RGS6: variants seen among roughly 807,000 people sequenced by gnomAD.
The protein encoded by RGS6 is regulator of G protein signaling 6.
RGS6 carries 30 observed loss-of-function variants against 78.5 expected under a neutral mutation model. The ratio of observed to expected loss-of-function variants is 0.38; its 90% CI spans 0.29 to 0.52. The LOEUF (loss-of-function observed/expected upper bound fraction) is 0.52. RGS6 is among the 20% of genes least tolerant of loss of function. The probability of loss-of-function intolerance (pLI) is 0.85; values close to 1 mark genes in which losing one functional copy is unlikely to be tolerated. For synonymous variants in RGS6, 206 were observed against 206.0 expected (o/e 1.00, Z 0.00); for missense variants, 495 against 609.7 (o/e 0.81, Z 1.98).
At chr14:72,219,472 A>G (rs1567502771) in intron 2 of RGS6, among the ~76,000 whole-genome samples, 1 of 152,186 alleles carries the variant, frequency 6.6e-6, no homozygotes, top group Non-Finnish European at 1.5e-5. Context: ...CCAACTAACT[A>G]GTGAAGTTCA....
At chr14:72,097,460 G>T (rs939298192) in intron 2 of RGS6, among the ~76,000 whole-genome samples, 1 of 152,166 alleles carries the variant, frequency 6.6e-6, no homozygotes, top group African/African-American at 2.4e-5. Context: ...TATGTTTGTT[G>T]CTTTTCATCT....
chr14:72,613,783 C>T, the RGS6 span, among the ~76,000 whole-genome samples: 1 of 152,212 alleles, frequency 6.6e-6, no homozygotes. Flanking sequence ...GACAGCTCTT[C>T]CTTTGGGCCT....
chr14:72,536,344 A>G, intron 16 of RGS6, 69 bp downstream of exon 16: 1 of 1,084,416 alleles, frequency 9.2e-7, no homozygotes, highest in Non-Finnish European at 1.4e-6. Context: ...TGCTGGTTTG[A>G]AATGAGAATA....
the RGS6 span, among the ~76,000 whole-genome samples, chr14:71,922,386 C>T: frequency 8.5e-5 from 13 of 152,188 alleles, no homozygotes; most frequent in Non-Finnish European, 1.5e-4. Context: ...TCCTTACTGT[C>T]TCTCCCCTGT....
chr14:72,535,184 G>C (rs1357079638), intron 15 of RGS6, among the ~76,000 whole-genome samples: 2 of 152,188 alleles, frequency 1.3e-5, no homozygotes, highest in African/African-American at 4.8e-5. Context: ...CTGGAAATCA[G>C]GGGTGAAATT....
intron 3 of RGS6, among the ~76,000 whole-genome samples, chr14:72,411,116 G>C (rs2093377760): frequency 6.6e-6 from 1 of 152,144 alleles, no homozygotes; most frequent in Non-Finnish European, 1.5e-5. Flanking sequence ...GAAAGTCATT[G>C]GTAGCTTGAT....
rs3053026 is a variant in RGS6, at chr14:71,953,969, G to GTTTTTTTTTTTT, written c.-20-10795_-20-10784dup. ...ACTAGATGTAGAATTCTAAGTGGGCGTTTTTTTTTTTTTTTTTTTCCTTCA... is the reference window on the plus strand; with the variant it reads ...ACTAGATGTAGAATTCTAAGTGGGCGTTTTTTTTTTTTTTTTTTTTTTTTTTTTTTTCCTTCA... On this transcript the variant is annotated intron_variant, in intron 1 of 17. Coordinates refer to ENST00000553525, the MANE Select transcript of RGS6 (RefSeq NM_001204424.2). 3.9e-4 allele frequency among the ~76,000 whole-genome samples: 30 copies of GTTTTTTTTTTTT among 76,050 alleles called. 1 individual carries two copies. Among genetic ancestry groups the GTTTTTTTTTTTT allele is most frequent in the South Asian group, 5.5e-4 (1 of 1,804 alleles). 49.9% of individuals were successfully genotyped at this position (76,050 alleles called of 152,430 possible). A position where few individuals can be genotyped will look rare whatever the true frequency, so the allele number is the denominator to read the frequency against.
intron 2 of RGS6, among the ~76,000 whole-genome samples, chr14:72,041,846 A>G (rs2092429482): frequency 6.6e-6 from 1 of 152,136 alleles, no homozygotes; most frequent in Non-Finnish European, 1.5e-5. Context: ...TCTTACTTAT[A>G]TCACCTCCCA....
chr14:72,242,839 C>CTTTTTTTT (rs35675211), intron 2 of RGS6, among the ~76,000 whole-genome samples: 15 of 69,134 alleles, frequency 2.2e-4, no homozygotes, highest in Admixed American at 4.5e-4. Context: ...CATTTCTTTT[C>CTTTTTTTT]TTTTTTTTTT....
intron 3 of RGS6, among the ~76,000 whole-genome samples, chr14:72,453,701 A>G (rs2095556440): frequency 1.3e-5 from 2 of 151,404 alleles, no homozygotes; most frequent in Admixed American, 1.3e-4. Flanking sequence ...AAAACAGCTA[A>G]GTCCCAAATT....
intron 15 of RGS6, among the ~76,000 whole-genome samples, chr14:72,520,494 C>A (rs965126395): frequency 6.6e-6 from 1 of 152,190 alleles, no homozygotes; most frequent in Non-Finnish European, 1.5e-5. Flanking sequence ...TGATGTCTAT[C>A]GCTTATATCC....
rs768773765 is a variant in RGS6 at position 72,027,026 on chromosome 14, G to A, written c.84+62151G>A. On this transcript the variant is annotated intron_variant, in intron 2 of 17. Transcript: ENST00000553525. ...TAGGCCTGGGGCTTCCAAAAAGAAG[G>A]AAAGGTCTTAAGGTAGGAGAGGATG... 1.6e-4 allele frequency among the ~76,000 whole-genome samples: 24 copies of A among 152,250 alleles called. No homozygotes were observed. The South Asian group carries it at 5.0e-3, about 32-fold the overall frequency.
At chr14:72,266,162 T>C (rs2059041364) in intron 2 of RGS6, among the ~76,000 whole-genome samples, 1 of 152,192 alleles carries the variant, frequency 6.6e-6, no homozygotes, top group Non-Finnish European at 1.5e-5. Flanking sequence ...ATACTTTCAC[T>C]GGGCAGATGG....
the RGS6 span, among the ~76,000 whole-genome samples, chr14:72,621,356 C>G: frequency 6.6e-6 from 1 of 151,858 alleles, no homozygotes; most frequent in African/African-American, 2.4e-5. Flanking sequence ...CTAGTTTCAG[C>G]TCTGTTCTAT....
chr14:72,390,542 A>G (rs527908310), intron 3 of RGS6, among the ~76,000 whole-genome samples: 1 of 152,326 alleles, frequency 6.6e-6, no homozygotes, highest in African/African-American at 2.4e-5. Context: ...TTTTAATTGT[A>G]AATTTTAATT....
intron 2 of RGS6, among the ~76,000 whole-genome samples, chr14:72,305,475 C>G (rs1347422819): frequency 2.0e-5 from 3 of 152,160 alleles, no homozygotes; most frequent in Non-Finnish European, 4.4e-5. Context: ...GTGTTTACTC[C>G]ATATCTGTGT....
At chr14:72,099,061 A>C (rs964014641) in intron 2 of RGS6, among the ~76,000 whole-genome samples, 2 of 152,150 alleles carry the variant, frequency 1.3e-5, no homozygotes, top group Non-Finnish European at 2.9e-5. Flanking sequence ...GTTTGTATTG[A>C]GTATTTACTA....
At chr14:72,053,175 A>G (rs1384531124) in intron 2 of RGS6, among the ~76,000 whole-genome samples, 3 of 142,664 alleles carry the variant, frequency 2.1e-5, no homozygotes, top group Non-Finnish European at 4.5e-5. Flanking sequence ...GCTGGAGTGC[A>G]GTGGCATGAT....
intron 2 of RGS6, chr14:71,990,714 C>A (rs986762162): frequency 1.1e-5 from 5 of 455,922 alleles, no homozygotes; most frequent in Non-Finnish European, 2.2e-5. Flanking sequence ...CCATCTCCTC[C>A]TCTCTACATG....
Sources: gnomAD v4.1 joint callset for allele counts (sites outside exome capture counted in the v4.1 genomes callset) on GRCh38, gnomAD v4.1.1 for gene constraint, MANE v1.5 for transcripts, NCBI Gene and HGNC (gene_info 2026-07-23, HGNC 2026-07-21) for gene names.